ZP3: variants seen among roughly 807,000 people sequenced by gnomAD.
ZP3 encodes zona pellucida sperm-binding protein 3.
In ZP3, 21 loss-of-function variants were observed where a neutral mutation model predicts 35.6. The observed-to-expected ratio is 0.59, with a 90% CI of 0.42 to 0.85. The LOEUF is 0.85. Ranked by LOEUF, ZP3 falls within the 40% of genes least tolerant of loss-of-function variation. The probability of loss-of-function intolerance (pLI) is 0.00; values close to 1 mark genes in which losing one functional copy is unlikely to be tolerated. For synonymous variants in ZP3, 207 were observed against 214.5 expected (o/e 0.96, Z 0.31); for missense variants, 437 against 536.5 (o/e 0.81, Z 1.83).
At chr7:76,427,731 G>T (rs1046437669) in intron 1 of ZP3, among the ~76,000 whole-genome samples, 3 of 152,136 alleles carry the variant, frequency 2.0e-5, no homozygotes, top group Non-Finnish European at 4.4e-5. Flanking sequence ...TTTGGTCAGG[G>T]CCAGGCAGCC....
chr7:76,404,478 C>T (rs1191681829), intron 1 of ZP3: 10 of 1,613,596 alleles, frequency 6.2e-6, no homozygotes, highest in East Asian at 2.2e-5. Context: ...CCCATCAAGG[C>T]GCCAGGGAGA....
At chr7:76,424,441 C>T (rs1466517414), upstream of ZP3, among the ~76,000 whole-genome samples, 15 of 152,180 alleles carry the variant, frequency 9.9e-5, no homozygotes, top group Admixed American at 2.6e-4. Context: ...CCAGCCTGCC[C>T]AACATAGTGA....
chr7:76,428,237 C>A (rs1805727476), intron 1 of ZP3, among the ~76,000 whole-genome samples: 1 of 151,634 alleles, frequency 6.6e-6, no homozygotes, highest in African/African-American at 2.4e-5. Context: ...CAGAGAATTG[C>A]TTGAACCTGG....
At chr7:76,400,981 T>C (rs1415148446) in intron 1 of ZP3, 6 of 1,550,028 alleles carry the variant, frequency 3.9e-6, no homozygotes, top group Non-Finnish European at 5.2e-6. Flanking sequence ...CAGGTGAGGG[T>C]GAGGAAGGGC....
rs1445547503 is a variant in ZP3 at position 76,405,322 on chromosome 7, T to TC, written c.-67+7525_-67+7526insC. 3.5e-3 allele frequency among the ~76,000 whole-genome samples: 213 copies of TC among 60,414 alleles called. 10 individuals carry two copies. The highest frequency in any genetic ancestry group is 9.7e-3 in the African/African-American group (105 of 10,832). 39.6% of individuals were successfully genotyped at this position (60,414 alleles called of 152,430 possible). A position where few individuals can be genotyped will look rare whatever the true frequency, so the allele number is the denominator to read the frequency against. ...ATATATATATATATATATATGTATT[T>TC]TTTTCTTTCTTTCTTTCTTTTTTTT... On this transcript the variant is annotated intron_variant, in intron 1 of 8. Coordinates refer to the ZP3 transcript ENST00000336517.
rs184801392 is a variant in ZP3, at chr7:76,407,631, G to T, written c.-67+9834G>T. Among the ~76,000 whole-genome samples, 799 of 152,216 alleles carry T rather than the reference G, an allele frequency of 5.2e-3. 1 individual carries two copies. The highest frequency in any genetic ancestry group is 8.9e-3 in the Non-Finnish European group (607 of 68,008). On this transcript the variant is annotated intron_variant, in intron 1 of 8. Coordinates refer to the ZP3 transcript ENST00000336517. ...GCCTGTAATCCCAGTGCTTTGGGAGGCTAAGGCAGGAGGATCACTTGAGCC... is the reference window on the plus strand; with the variant it reads ...GCCTGTAATCCCAGTGCTTTGGGAGTCTAAGGCAGGAGGATCACTTGAGCC...
chr7:76,404,340 G>T (rs766342387), intron 1 of ZP3: 4 of 1,611,988 alleles, frequency 2.5e-6, no homozygotes, highest in Admixed American at 3.3e-5. Context: ...GACAGGGCTT[G>T]GGGGAGGAAG....
chr7:76,415,827 C>G (rs943415008), intron 1 of ZP3, among the ~76,000 whole-genome samples: 8 of 151,336 alleles, frequency 5.3e-5, no homozygotes, highest in African/African-American at 1.5e-4. Flanking sequence ...TTTAAACACT[C>G]TATAATAAAA....
intron 1 of ZP3, among the ~76,000 whole-genome samples, chr7:76,401,633 T>C (rs1242479596): frequency 6.6e-6 from 1 of 152,156 alleles, no homozygotes; most frequent in Non-Finnish European, 1.5e-5. Context: ...GCCAGGCTGG[T>C]CTTGAACTCC....
upstream of ZP3, among the ~76,000 whole-genome samples, chr7:76,423,084 A>AAAGAAAGAAAGAAAGAAAG (rs199921755): frequency 7.3e-6 from 1 of 137,134 alleles, no homozygotes; most frequent in Non-Finnish European, 1.6e-5. Flanking sequence ...AGAAAGAAAG[A>AAAGAAAGAAAGAAAGAAAG]AAAGAAATTG....
At chr7:76,404,499 G>C in intron 1 of ZP3, 1 of 1,612,258 alleles carries the variant, frequency 6.2e-7, no homozygotes, top group Non-Finnish European at 8.5e-7. Flanking sequence ...AGTCACAGTT[G>C]GAACATCTGA....
intron 5 of ZP3, among the ~76,000 whole-genome samples, chr7:76,436,663 T>C (rs1019520577): frequency 1.3e-4 from 20 of 152,224 alleles, no homozygotes; most frequent in Non-Finnish European, 2.5e-4. Context: ...TGGGCCCTGC[T>C]TCAGTGGGGC....
At chr7:76,406,870 T>A (rs1186905476) in intron 1 of ZP3, among the ~76,000 whole-genome samples, 1 of 152,082 alleles carries the variant, frequency 6.6e-6, no homozygotes. Flanking sequence ...CTTCCTTCAC[T>A]TTTTTTATGT....
intron 5 of ZP3, among the ~76,000 whole-genome samples, chr7:76,438,538 GAAAAAAA>G (rs71085417): frequency 1.1e-5 from 1 of 88,560 alleles, no homozygotes; most frequent in African/African-American, 5.4e-5. Context: ...CTCCGTCTCA[GAAAAAAA>G]AAAAAAAAAA....
At chr7:76,415,322 C>G in intron 1 of ZP3, among the ~76,000 whole-genome samples, 1 of 129,964 alleles carries the variant, frequency 7.7e-6, no homozygotes. Flanking sequence ...GCCGAGATCG[C>G]GCCACTGCAC....
At chr7:76,421,592 CATAT>C (rs1267905895), upstream of ZP3, among the ~76,000 whole-genome samples, 2 of 151,432 alleles carry the variant, frequency 1.3e-5, no homozygotes, top group Non-Finnish European at 2.9e-5. Flanking sequence ...TATACACACA[CATAT>C]ATATGTATAA....
intron 1 of ZP3, among the ~76,000 whole-genome samples, chr7:76,426,874 C>CCACACACACACACACA (rs369991319): frequency 1.6e-5 from 2 of 126,690 alleles, no homozygotes; most frequent in Admixed American, 8.3e-5. Context: ...CTACCAAACA[C>CCACACACACACACACA]CACACACACA....
chr7:76,404,570 T>A, intron 1 of ZP3: 3 of 1,371,092 alleles, frequency 2.2e-6, no homozygotes, highest in Non-Finnish European at 3.1e-6. Context: ...GGTGGGAGGA[T>A]TGCTTGCACC....
At chr7:76,429,014 C>A in intron 1 of ZP3, 1 of 170,712 alleles carries the variant, frequency 5.9e-6, no homozygotes, top group Non-Finnish European at 1.3e-5. Flanking sequence ...CTGGGCACTT[C>A]CTGACTGCTT....
Sources: allele counts gnomAD v4.1 joint callset (sites outside exome capture counted in the v4.1 genomes callset), GRCh38; gene constraint gnomAD v4.1.1; transcripts MANE v1.5; gene names NCBI Gene and HGNC (gene_info 2026-07-23, HGNC 2026-07-21).